The following ZNG1C variants were observed in gnomAD, a reference collection of about 807,000 sequenced individuals.
The protein encoded by ZNG1C is Zn regulated GTPase metalloprotein activator 1C.
chr9:68,257,893 A>T, the ZNG1C span, among the ~76,000 whole-genome samples: 2 of 145,390 alleles, frequency 1.4e-5, no homozygotes, highest in Admixed American at 1.4e-4. Context: ...GCTGGGCCCC[A>T]TCATTGAGCT....
At chr9:68,274,243 G>T in the ZNG1C span, 1 of 148,934 alleles carries the variant, frequency 6.7e-6, no homozygotes, top group African/African-American at 2.4e-5. Context: ...TGCTAATTGT[G>T]ATATGTTATT....
At chr9:68,260,480 A>C in the ZNG1C span, among the ~76,000 whole-genome samples, 3 of 137,524 alleles carry the variant, frequency 2.2e-5, no homozygotes, top group African/African-American at 7.7e-5. Context: ...TTATTAAATC[A>C]GTATACCTAC....
At chr9:68,281,150 C>T in the ZNG1C span, among the ~76,000 whole-genome samples, 2 of 150,794 alleles carry the variant, frequency 1.3e-5, no homozygotes, top group African/African-American at 2.4e-5. Context: ...AACTCCCTGA[C>T]CCCCTGTGCT....
chr9:68,290,946 G>A, the ZNG1C span, among the ~76,000 whole-genome samples: 1,094 of 151,106 alleles, frequency 7.2e-3, 1 homozygote, highest in African/African-American at 0.026. Context: ...TTACGATGGA[G>A]CTGAAAAATT....
chr9:68,244,612 A>G, the ZNG1C span, among the ~76,000 whole-genome samples: 1 of 140,216 alleles, frequency 7.1e-6, no homozygotes, highest in African/African-American at 2.8e-5. Flanking sequence ...AAGAAATGAT[A>G]TAGTCATACA....
chr9:68,270,940 A>T, the ZNG1C span: 5 of 149,232 alleles, frequency 3.4e-5, no homozygotes, highest in Admixed American at 1.3e-4. Context: ...AAATAGTCAA[A>T]GTCACTCTTA....
At chr9:68,269,319 CT>C in the ZNG1C span, 1 of 128,730 alleles carries the variant, frequency 7.8e-6, no homozygotes, top group Non-Finnish European at 1.6e-5. Flanking sequence ...GTTTAAATGG[CT>C]TTTTAATATT....
the ZNG1C span, chr9:68,251,186 AT>A: frequency 5.1e-6 from 2 of 390,572 alleles, no homozygotes; most frequent in South Asian, 3.5e-5. Context: ...AAAAATATTT[AT>A]TGCTAAAAAA....
the ZNG1C span, among the ~76,000 whole-genome samples, chr9:68,291,993 T>C: frequency 6.6e-6 from 1 of 150,774 alleles, no homozygotes; most frequent in Non-Finnish European, 1.5e-5. Context: ...CACAGATGGT[T>C]CACATCTCCC....
chr9:68,291,891 T>C, the ZNG1C span, among the ~76,000 whole-genome samples: 1 of 140,112 alleles, frequency 7.1e-6, no homozygotes, highest in African/African-American at 2.7e-5. Flanking sequence ...AATAGTACAT[T>C]AAACCAGCAA....
chr9:68,255,895 A>T, the ZNG1C span, among the ~76,000 whole-genome samples: 4 of 152,046 alleles, frequency 2.6e-5, no homozygotes, highest in African/African-American at 9.7e-5. Flanking sequence ...TTTCCTTGAA[A>T]AGAACGGACA....
At chr9:68,276,591 G>A in the ZNG1C span, among the ~76,000 whole-genome samples, 1 of 148,908 alleles carries the variant, frequency 6.7e-6, no homozygotes, top group African/African-American at 2.5e-5. Context: ...TTTTTCTCAG[G>A]TTTGTCAAAG....
chr9:68,286,872 A>C, the ZNG1C span, among the ~76,000 whole-genome samples: 7 of 135,300 alleles, frequency 5.2e-5, no homozygotes, highest in Admixed American at 3.0e-4. Flanking sequence ...CTTATCTTTA[A>C]AATGAATAAA....
the ZNG1C span, among the ~76,000 whole-genome samples, chr9:68,264,806 C>T: frequency 2.9e-5 from 1 of 34,808 alleles, no homozygotes; most frequent in Non-Finnish European, 5.7e-5. Context: ...TATACAATTT[C>T]TTTGGGATTG....
At chr9:68,255,514 G>A in the ZNG1C span, among the ~76,000 whole-genome samples, 2 of 142,338 alleles carry the variant, frequency 1.4e-5, no homozygotes, top group Non-Finnish European at 3.1e-5. Flanking sequence ...ATGTAGTCTG[G>A]CAAGTATTAT....
the ZNG1C span, among the ~76,000 whole-genome samples, chr9:68,290,764 AG>A: frequency 7.3e-6 from 1 of 137,206 alleles, no homozygotes; most frequent in Non-Finnish European, 1.5e-5. Context: ...GTGGACTTTT[AG>A]GTATTGTAGT....
the ZNG1C span, chr9:68,249,117 G>C: frequency 2.8e-5 from 17 of 612,238 alleles, 1 homozygote; most frequent in East Asian, 2.6e-4. Flanking sequence ...TAATAGAATT[G>C]GAAGTTTTAT....
At chr9:68,288,683 T>A in the ZNG1C span, among the ~76,000 whole-genome samples, 1 of 108,356 alleles carries the variant, frequency 9.2e-6, no homozygotes, top group Non-Finnish European at 1.9e-5. Flanking sequence ...TTAGTAAAGA[T>A]GGGGTTTCAC....
chr9:68,276,461 C>T, the ZNG1C span, among the ~76,000 whole-genome samples: 5 of 121,506 alleles, frequency 4.1e-5, no homozygotes, highest in African/African-American at 9.3e-5. Context: ...GTCTTTAATC[C>T]ATCTTGAATT....
Sources: allele counts gnomAD v4.1 joint callset (sites outside exome capture counted in the v4.1 genomes callset), GRCh38; gene constraint gnomAD v4.1.1; transcripts MANE v1.5; gene names NCBI Gene and HGNC (gene_info 2026-07-23, HGNC 2026-07-21).